TMCC2: variants seen among roughly 807,000 people sequenced by gnomAD.
TMCC2 encodes transmembrane and coiled-coil domain family 2, also known as transmembrane and coiled-coil domains protein 2.
TMCC2 carries 16 observed loss-of-function variants against 49.4 expected under a neutral mutation model. The ratio of observed to expected loss-of-function variants is 0.32; its 90% CI spans 0.22 to 0.49. The LOEUF (loss-of-function observed/expected upper bound fraction) is 0.49, where lower values mean the gene tolerates loss of function less well. Ranked by LOEUF, TMCC2 falls within the 20% of genes least tolerant of loss-of-function variation. The pLI is 0.99. For synonymous variants in TMCC2, 397 were observed against 434.1 expected, an observed-to-expected ratio of 0.91 and a Z score of 1.06; for missense variants, 762 against 989.8, an observed-to-expected ratio of 0.77 and a Z score of 3.09.
chr1:205,227,965 G>C lies in TMCC2; in HGVS notation c.-600G>C, dbSNP rs866973104. Among the ~76,000 whole-genome samples, 5 of 150,830 alleles carry C rather than the reference G, an allele frequency of 3.3e-5. No homozygotes were observed. Among genetic ancestry groups the C allele is most frequent in the Admixed American group, 6.6e-5 (1 of 15,142 alleles). On this transcript the variant is annotated 5_prime_UTR_variant, in exon 1 of 5. Transcript: ENST00000358024. The stretch of plus-strand genomic sequence containing the variant: ...TAGGTTGCGCGCTCGCCGCGGGCTC[G>C]GGCCGCGGTCGCGGCTTTGCGGCAG...
Position 205,241,825 on chromosome 1 carries a change from C to G in TMCC2, c.528C>G (p.Ser176Arg), listed in dbSNP as rs781460237. ...ACAGCAGCAGTGGGGGCGGCAGCAG[C>G]GGGAGCAGCAGCCGGCGCACCAAGA... ...SLHSSSGGGS[S>R]GSSSRRTKSS... Residue 176 changes from serine to arginine, a missense_variant, in exon 2 of 5, where the codon AGC becomes AGG. Transcript: ENST00000358024. This position sits in a 1 kb window ranked among gnomAD's most constrained non-coding sequence, Gnocchi z 7.3. The G allele has an allele frequency of 1.2e-6, 2 of 1,601,682 alleles. No individual in the cohort carries two copies. The highest frequency in any genetic ancestry group is 1.7e-6 in the Non-Finnish European group (2 of 1,175,526).
intron 2 of TMCC2, chr1:205,246,357 G>T (rs997677086): frequency 1.5e-5 from 7 of 471,422 alleles, no homozygotes; most frequent in Non-Finnish European, 2.2e-5. Context: ...CCTTCAGTTT[G>T]AAGTGGCTAT....
chr1:205,258,142 C>G (rs1660954022), intron 2 of TMCC2, among the ~76,000 whole-genome samples: 1 of 152,114 alleles, frequency 6.6e-6, no homozygotes, highest in African/African-American at 2.4e-5. Flanking sequence ...AAGCCTCTAC[C>G]TGGTGTCAGC....
intron 2 of TMCC2, among the ~76,000 whole-genome samples, chr1:205,255,328 G>T (rs577096020): frequency 6.6e-6 from 1 of 152,140 alleles, no homozygotes; most frequent in African/African-American, 2.4e-5. Flanking sequence ...GCTGAGGCGG[G>T]TGGATCACGA....
chr1:205,269,943 A>C, intron 3 of TMCC2, 59 bp downstream of exon 3: 2 of 1,534,012 alleles, frequency 1.3e-6, no homozygotes, highest in South Asian at 2.4e-5. Context: ...GGCAAGGAGC[A>C]CTGGGTTTCA....
intron 2 of TMCC2, among the ~76,000 whole-genome samples, chr1:205,263,669 G>A (rs111622507): frequency 1.6e-4 from 25 of 152,128 alleles, no homozygotes; most frequent in African/African-American, 5.8e-4. Context: ...CAGCACTCCA[G>A]CACTCCAGCC....
intron 2 of TMCC2, among the ~76,000 whole-genome samples, chr1:205,260,368 G>A (rs1352771945): frequency 1.3e-5 from 2 of 152,228 alleles, no homozygotes; most frequent in Non-Finnish European, 2.9e-5. Context: ...GGAACCTTGG[G>A]CATTTCTGCC....
rs1483284983 is a variant in TMCC2, at chr1:205,246,409, C to T, written c.747+4365C>T. 12 of 1,081,790 alleles carry T rather than the reference C, an allele frequency of 1.1e-5. No homozygotes were observed. In the Admixed American group the frequency reaches 1.2e-4, roughly 10 times the overall value. 67.0% of individuals were successfully genotyped at this position (1,081,790 alleles called of 1,614,324 possible). A position where few individuals can be genotyped will look rare whatever the true frequency, so the allele number is the denominator to read the frequency against. ...AATGCCAAATAAGCAGTCAGCTGTA[C>T]GAGTCTGGAGTTCTGGGGAGAGATC... On this transcript the variant is annotated intron_variant, in intron 2 of 4. Coordinates refer to ENST00000358024, the MANE Select transcript of TMCC2 (RefSeq NM_014858.4).
chr1:205,244,666 G>A (rs564254502), intron 2 of TMCC2, among the ~76,000 whole-genome samples: 3 of 152,296 alleles, frequency 2.0e-5, no homozygotes, highest in South Asian at 4.1e-4. Flanking sequence ...AGAGCTGAAC[G>A]ATTATCAGGC....
At position 205,273,212 on chromosome 1, in the gene TMCC2, C is replaced by G. The variant is rs1245293438; in HGVS notation, c.*1088C>G. ...TGGTTTCTTTTCACATCCCAGCCTC[C>G]CATGGGCACTTCTAAGAAGAGAGGG... is the stretch of plus-strand genomic sequence containing the variant. On this transcript the variant is annotated 3_prime_UTR_variant, in exon 5 of 5. Transcript: ENST00000358024. The G allele has an allele frequency of 6.6e-6, 1 of 152,182 alleles. No individual in the cohort carries two copies. Among genetic ancestry groups the G allele is most frequent in the Non-Finnish European group, 1.5e-5 (1 of 68,054 alleles). The allele number at this position is 152,182 out of a possible 1,614,324, so 9.4% of individuals were successfully genotyped here.
intron 2 of TMCC2, among the ~76,000 whole-genome samples, chr1:205,244,984 A>G (rs1186217453): frequency 6.6e-6 from 1 of 152,112 alleles, no homozygotes; most frequent in African/African-American, 2.4e-5. Context: ...ACAGACAAGG[A>G]ATGAATGGAA....
At chr1:205,230,278 G>A in intron 1 of TMCC2, 1 of 688,736 alleles carries the variant, frequency 1.5e-6, no homozygotes, top group Non-Finnish European at 1.8e-6. Context: ...AAACTTTGCA[G>A]TAATTATTCA....
rs752001776 is a variant in TMCC2 at position 205,269,031 on chromosome 1, G to A, written c.829G>A (p.Asp277Asn). ...TDGPISLDVPDGAPDPQRTKA... is the reference protein window; with the variant it reads ...TDGPISLDVPNGAPDPQRTKA... ...CGGCCCCATCAGCCTGGACGTGCCC[G>A]ATGGGGCACCGGACCCCCAGCGGAC... Residue 277 changes from aspartate to asparagine, a missense_variant, in exon 3 of 5, where the codon GAT (aspartate) becomes AAT (asparagine). By Grantham distance (23) the Asp-to-Asn change is conservative. This residue lies in a region of TMCC2 where 440 missense variants were observed against 636.7 expected (regional missense o/e 0.69). Coordinates refer to ENST00000358024, the MANE Select transcript of TMCC2 (RefSeq NM_014858.4). 6.2e-6 allele frequency: 10 copies of A among 1,613,404 alleles called. No individual in the cohort carries two copies. Among genetic ancestry groups the A allele is most frequent in the East Asian group, 2.2e-5 (1 of 44,894 alleles).
In TMCC2 at chr1:205,242,014, G is replaced by A. The variant is rs1172142; in HGVS notation, c.717G>A (p.Leu239=). The part of the protein sequence containing the change: ...LLADGSNVYL[L]AEEAEGIGDK... ...CCGACGGCAGCAACGTGTACCTCCTGGCTGAGGAGGCCGAAGGCATCGGGG... is the reference window on the plus strand; with the variant it reads ...CCGACGGCAGCAACGTGTACCTCCTAGCTGAGGAGGCCGAAGGCATCGGGG... Residue 239 remains leucine, a synonymous_variant, in exon 2 of 5, where the codon CTG becomes CTA. Coordinates refer to ENST00000358024, the MANE Select transcript of TMCC2 (RefSeq NM_014858.4). The A allele has an allele frequency of 4.2e-4, 670 of 1,602,128 alleles. 2 individuals carry two copies. In the African/African-American group the frequency reaches 7.5e-3, roughly 18 times the overall value.
rs555384125 is a variant in TMCC2, at chr1:205,260,253, C to T, written c.748-8697C>T. ...TCCAGGTGTGGTGCTGGTGGCTGGG[C>T]ATGGATAGGGAGCTGGGTGGCATGG... On this transcript the variant is annotated intron_variant, in intron 2 of 4. Coordinates refer to ENST00000358024, the MANE Select transcript of TMCC2 (RefSeq NM_014858.4). Among the ~76,000 whole-genome samples the T allele has an allele frequency of 2.6e-5, 4 of 152,248 alleles. No homozygotes were observed. In the East Asian group the frequency reaches 5.8e-4, roughly 22 times the overall value.
intron 2 of TMCC2, among the ~76,000 whole-genome samples, chr1:205,253,214 A>G (rs1200247384): frequency 6.6e-6 from 1 of 151,454 alleles, no homozygotes; most frequent in African/African-American, 2.4e-5. Flanking sequence ...AAGGCAAAGG[A>G]AGAGAAAATA....
chr1:205,239,051 G>A (rs1373012469), intron 1 of TMCC2, among the ~76,000 whole-genome samples: 1 of 152,190 alleles, frequency 6.6e-6, no homozygotes, highest in Non-Finnish European at 1.5e-5. Context: ...AGCCTCCCGG[G>A]GATAGGGGAG....
intron 3 of TMCC2, among the ~76,000 whole-genome samples, chr1:205,270,273 C>A (rs915056922): frequency 6.6e-6 from 1 of 152,196 alleles, no homozygotes; most frequent in Non-Finnish European, 1.5e-5. Context: ...GTCTCGATCT[C>A]CTGACCTCAA....
rs1381799421 is a variant in TMCC2, at chr1:205,271,264, A to G, written c.1818+9A>G. 6.2e-7 allele frequency: 1 copy of G among 1,614,080 alleles called. No homozygotes were observed. Among genetic ancestry groups the G allele is most frequent in the South Asian group, 1.1e-5 (1 of 91,086 alleles). The stretch of plus-strand genomic sequence containing the variant: ...GGGCACGGGACATCCAGGTATGGCC[A>G]GGGCAACCTTGGGAGGCCCCAGATG... On this transcript the variant is annotated intron_variant, in intron 4 of 4. Transcript: ENST00000358024.
Sources: allele counts gnomAD v4.1 joint callset (sites outside exome capture counted in the v4.1 genomes callset), GRCh38; gene constraint gnomAD v4.1.1; regional missense constraint gnomAD v4.1.1; non-coding constraint Gnocchi (gnomAD v3.1); transcripts MANE v1.5; gene names NCBI Gene and HGNC (gene_info 2026-07-23, HGNC 2026-07-21).